The following MPP7 variants were observed in gnomAD, a reference collection of about 807,000 sequenced individuals.
MPP7 encodes MAGUK p55 subfamily member 7.
Under a neutral mutation model 76.5 loss-of-function variants are expected in MPP7, and 60 were observed. That is an observed-to-expected ratio of 0.78 (90% CI 0.64 to 0.97). MPP7 has a LOEUF of 0.97. MPP7 is among the 50% of genes least tolerant of loss of function. The pLI, the probability that MPP7 is intolerant of heterozygous loss-of-function variation, is 0.00. For synonymous variants in MPP7, 237 were observed against 244.5 expected (o/e 0.97, Z 0.29); for missense variants, 641 against 694.0 (o/e 0.92, Z 0.86).
rs907075641 is a variant in MPP7, at chr10:28,184,810, A to G, written c.156+17343T>C. ...TTATCTTAATATATATTAATATTACATATTAATATATTAAGGTAAACATAT... is the reference window on the plus strand; with the variant it reads ...TTATCTTAATATATATTAATATTACGTATTAATATATTAAGGTAAACATAT... On this transcript the variant is annotated intron_variant, in intron 3 of 16. Transcript: ENST00000683449. 4.4e-4 allele frequency among the ~76,000 whole-genome samples: 62 copies of G among 140,204 alleles called. No individual in the cohort carries two copies. The East Asian group carries it at 0.012, about 26-fold the overall frequency. The allele number at this position is 140,204 out of a possible 152,430, so 92.0% of individuals were successfully genotyped here. A position where few individuals can be genotyped will look rare whatever the true frequency, so the allele number is the denominator to read the frequency against.
At chr10:28,076,117 C>T (rs946608668) in intron 12 of MPP7, among the ~76,000 whole-genome samples, 1 of 152,106 alleles carries the variant, frequency 6.6e-6, no homozygotes, top group Non-Finnish European at 1.5e-5. Flanking sequence ...GAACTTGGCT[C>T]TTTATCTTAA....
chr10:28,162,682 T>G (rs761722649), intron 3 of MPP7, among the ~76,000 whole-genome samples: 15 of 152,168 alleles, frequency 9.9e-5, no homozygotes, highest in Admixed American at 2.6e-4. Flanking sequence ...TCTCAGGACT[T>G]ACTTCCTGGT....
At chr10:28,315,903 C>T (rs1834315565) in intron 2 of MPP7, among the ~76,000 whole-genome samples, 1 of 152,094 alleles carries the variant, frequency 6.6e-6, no homozygotes, top group African/African-American at 2.4e-5. Flanking sequence ...GTGTGCATGG[C>T]CTTCCTCCCC....
In MPP7 at chr10:28,118,718, C is replaced by CT. The variant is rs1834735021; in HGVS notation, c.952+932dup. ...AGCAGGCTTTTGAATGAGTGCTCCA[C>CT]TTTAAGCATTTGCCTGCTTGTGAGA... On this transcript the variant is annotated intron_variant, in intron 11 of 16. Transcript: ENST00000683449. The CT allele has an allele frequency of 3.0e-6, 3 of 985,440 alleles. 1 individual carries two copies. In the African/African-American group the frequency reaches 5.2e-5, roughly 17 times the overall value. 61.0% of individuals were successfully genotyped at this position (985,440 alleles called of 1,614,324 possible). A position where few individuals can be genotyped will look rare whatever the true frequency, so the allele number is the denominator to read the frequency against.
rs189202673 is a variant in MPP7 at position 28,325,533 on chromosome 10, G to A, written c.-132+4396C>T. On this transcript the variant is annotated intron_variant, in intron 2 of 11. Transcript: ENST00000441595. ...TTTTGAGACCGAGTCTTGCTCTGTC[G>A]CCCAGGCTGGAGTGCAGTGGCGTGA... 4.7e-3 allele frequency among the ~76,000 whole-genome samples: 711 copies of A among 151,152 alleles called. 2 individuals carry two copies. Among genetic ancestry groups the A allele is most frequent in the Middle Eastern group, 0.01 (3 of 294 alleles).
chr10:28,244,372 T>C (rs778705237), intron 1 of MPP7, among the ~76,000 whole-genome samples: 1 of 152,204 alleles, frequency 6.6e-6, no homozygotes, highest in Non-Finnish European at 1.5e-5. Context: ...ATTTCAATTT[T>C]GGCTATCTCA....
chr10:28,282,633 C>T lies in MPP7; in HGVS notation c.-132+20228G>A, dbSNP rs547219933. Among the ~76,000 whole-genome samples the T allele has an allele frequency of 4.1e-4, 63 of 151,934 alleles. 2 individuals carry two copies. The highest frequency in any genetic ancestry group is 1.4e-3 in the African/African-American group (56 of 41,300). The stretch of plus-strand genomic sequence containing the variant: ...AGTGGGAAAAGGACTGAAGACACTC[C>T]CACAATTAAAGGACAGGAGCGTAAA... On this transcript the variant is annotated intron_variant, in intron 1 of 16. Coordinates refer to ENST00000683449, the MANE Select transcript of MPP7 (RefSeq NM_001318170.2).
intron 1 of MPP7, among the ~76,000 whole-genome samples, chr10:28,279,469 CT>C (rs922139571): frequency 2.6e-5 from 4 of 152,038 alleles, no homozygotes; most frequent in Non-Finnish European, 5.9e-5. Context: ...TGGCTCATGC[CT>C]GTAATCCCAT....
At chr10:28,143,671 G>T (rs1588842317) in intron 5 of MPP7, among the ~76,000 whole-genome samples, 3 of 143,182 alleles carry the variant, frequency 2.1e-5, no homozygotes, top group East Asian at 1.9e-4. Context: ...ATATTCTTAT[G>T]GTTCAACTTT....
intron 3 of MPP7, among the ~76,000 whole-genome samples, chr10:28,168,522 C>T (rs532597606): frequency 2.0e-5 from 3 of 151,018 alleles, no homozygotes; most frequent in Non-Finnish European, 3.0e-5. Context: ...ACCTCACCTT[C>T]TTTTTTTTTG....
chr10:28,332,243 A>ATGTGTGTGTG (rs775712498), intron 1 of MPP7, among the ~76,000 whole-genome samples: 3,688 of 101,980 alleles, frequency 0.036, 66 homozygotes, highest in Non-Finnish European at 0.046. Context: ...TGTCAAATGT[A>ATGTGTGTGTG]TGCGTGTGTG....
intron 1 of MPP7, chr10:28,289,423 A>G (rs1261897514): frequency 6.6e-6 from 1 of 152,210 alleles, no homozygotes; most frequent in Non-Finnish European, 1.5e-5. Context: ...CAAAACAGCC[A>G]TCCCAACCAA....
chr10:28,239,943 G>C (rs536795626), intron 1 of MPP7, among the ~76,000 whole-genome samples: 1 of 152,042 alleles, frequency 6.6e-6, no homozygotes, highest in East Asian at 1.9e-4. Context: ...AAGAAACAAT[G>C]GTTGTTAGGG....
At chr10:28,161,264 C>T (rs1198294346) in intron 3 of MPP7, among the ~76,000 whole-genome samples, 1 of 152,094 alleles carries the variant, frequency 6.6e-6, no homozygotes, top group African/African-American at 2.4e-5. Context: ...AATTTGCTTA[C>T]ACTGCTACCA....
intron 3 of MPP7, among the ~76,000 whole-genome samples, chr10:28,178,892 C>T (rs73608056): frequency 0.016 from 2,373 of 152,026 alleles, 42 homozygotes; most frequent in African/African-American, 0.052. Flanking sequence ...ATAGCAGCAG[C>T]GAATTTTTAA....
At chr10:28,080,011 G>C (rs1852684471) in intron 12 of MPP7, among the ~76,000 whole-genome samples, 1 of 125,132 alleles carries the variant, frequency 8.0e-6, no homozygotes, top group African/African-American at 2.9e-5. Context: ...AATCCCAGCG[G>C]AAGAATGGCT....
chr10:28,147,143 T>C (rs903233866), intron 5 of MPP7, among the ~76,000 whole-genome samples: 1 of 152,160 alleles, frequency 6.6e-6, no homozygotes, highest in African/African-American at 2.4e-5. Flanking sequence ...GTCAAACATA[T>C]TGGAATCCCA....
chr10:28,053,219 G>GA lies in MPP7; in HGVS notation c.*845dup, dbSNP rs1851424658. On this transcript the variant is annotated 3_prime_UTR_variant, in exon 17 of 17. Transcript: ENST00000683449. ...TAGAAATCCTTCTTCTAATTTATTG[G>GA]AAAAATCCAAAACCAGCTAAAATAA... 1 of 152,006 alleles carries GA rather than the reference G, an allele frequency of 6.6e-6. No homozygotes were observed. The highest frequency in any genetic ancestry group is 6.6e-5 in the Admixed American group (1 of 15,258). The allele number at this position is 152,006 out of a possible 1,614,324, so 9.4% of individuals were successfully genotyped here.
intron 2 of MPP7, among the ~76,000 whole-genome samples, chr10:28,327,646 T>C (rs1352980305): frequency 6.6e-6 from 1 of 152,226 alleles, no homozygotes; most frequent in Non-Finnish European, 1.5e-5. Context: ...AGGTTTCTAT[T>C]TTTAACCAAT....
Sources: allele counts gnomAD v4.1 joint callset (sites outside exome capture counted in the v4.1 genomes callset), GRCh38; gene constraint gnomAD v4.1.1; transcripts MANE v1.5; gene names NCBI Gene and HGNC (gene_info 2026-07-23, HGNC 2026-07-21).